Variants in C10orf90 observed in about 807,000 individuals in gnomAD.
C10orf90 encodes chromosome 10 open reading frame 90, also known as (E2-independent) E3 ubiquitin-conjugating enzyme FATS.
A neutral mutation model predicts 62.5 loss-of-function variants in C10orf90; 56 were observed. The ratio of observed to expected loss-of-function variants is 0.90; its 90% confidence interval spans 0.72 to 1.12. The LOEUF (loss-of-function observed/expected upper bound fraction) is 1.12. C10orf90 is among the 50% of genes most tolerant of loss of function. C10orf90 has a pLI of 0.00. For synonymous variants in C10orf90, 386 were observed against 340.4 expected (o/e 1.13, Z -1.47); for missense variants, 970 against 880.4 (o/e 1.10, Z -1.29).
chr10:126,499,039 T>C (rs1191334024), intron 4 of C10orf90, among the ~76,000 whole-genome samples: 1 of 152,260 alleles, frequency 6.6e-6, no homozygotes, highest in Admixed American at 6.5e-5. Flanking sequence ...ATTTGAATGC[T>C]AGACCAGAAG....
At chr10:126,541,882 C>T (rs966395171) in intron 2 of C10orf90, among the ~76,000 whole-genome samples, 1 of 152,320 alleles carries the variant, frequency 6.6e-6, no homozygotes, top group African/African-American at 2.4e-5. Flanking sequence ...AAAGTGTTCA[C>T]ATCAGCACTA....
intron 2 of C10orf90, chr10:126,522,865 T>C (rs954287939): frequency 3.3e-5 from 5 of 152,236 alleles, no homozygotes; most frequent in Non-Finnish European, 7.3e-5. Flanking sequence ...CACATTTTAA[T>C]GCTGTCTAGC....
intron 2 of C10orf90, among the ~76,000 whole-genome samples, chr10:126,545,230 CA>C (rs1036414686): frequency 1.9e-4 from 29 of 152,200 alleles, no homozygotes; most frequent in African/African-American, 6.7e-4. Context: ...GGGACCCATG[CA>C]AAAGGAGGTG....
At chr10:126,607,412 A>G (rs942515620) in intron 2 of C10orf90, among the ~76,000 whole-genome samples, 11 of 152,334 alleles carry the variant, frequency 7.2e-5, no homozygotes, top group African/African-American at 2.2e-4. Context: ...AGAAATACTA[A>G]CAAACTATGG....
intron 2 of C10orf90, among the ~76,000 whole-genome samples, chr10:126,614,885 A>G (rs1845509298): frequency 6.6e-6 from 1 of 152,238 alleles, no homozygotes; most frequent in Non-Finnish European, 1.5e-5. Flanking sequence ...TCAGTTGTAT[A>G]TCAACTAGGA....
intron 8 of C10orf90, among the ~76,000 whole-genome samples, chr10:126,427,290 G>A (rs1242497757): frequency 6.6e-6 from 1 of 152,238 alleles, no homozygotes; most frequent in African/African-American, 2.4e-5. Flanking sequence ...TTAGAAAGTA[G>A]GCATGTCTCA....
intron 2 of C10orf90, among the ~76,000 whole-genome samples, chr10:126,588,293 G>A (rs1564883813): frequency 2.0e-5 from 3 of 152,214 alleles, no homozygotes; most frequent in Non-Finnish European, 4.4e-5. Flanking sequence ...TGCATGAGGG[G>A]GGTTCCCCCA....
intron 2 of C10orf90, among the ~76,000 whole-genome samples, chr10:126,632,227 G>A (rs956577473): frequency 4.6e-5 from 7 of 151,848 alleles, no homozygotes; most frequent in African/African-American, 1.7e-4. Flanking sequence ...TGTGTATTGG[G>A]TTCTAATGCT....
chr10:126,612,138 T>C (rs535617174), intron 2 of C10orf90, among the ~76,000 whole-genome samples: 19 of 152,204 alleles, frequency 1.2e-4, no homozygotes, highest in African/African-American at 3.6e-4. Context: ...CTGACCAACA[T>C]GGTGAAACCC....
At chr10:126,561,682 G>C (rs928799135) in intron 2 of C10orf90, among the ~76,000 whole-genome samples, 5 of 152,070 alleles carry the variant, frequency 3.3e-5, no homozygotes, top group African/African-American at 1.2e-4. Flanking sequence ...AATTAAACAA[G>C]GGACTCTCTC....
At chr10:126,463,861 C>T (rs932553034) in intron 5 of C10orf90, among the ~76,000 whole-genome samples, 1 of 152,188 alleles carries the variant, frequency 6.6e-6, no homozygotes, top group Non-Finnish European at 1.5e-5. Flanking sequence ...ATATAAAGCA[C>T]AGCATCTGGC....
In C10orf90 at chr10:126,557,968, A is replaced by G. The variant is rs114013393; in HGVS notation, c.314-44029T>C. Among the ~76,000 whole-genome samples the G allele has an allele frequency of 4.7e-3, 714 of 152,162 alleles. 7 individuals are homozygous for G. Among genetic ancestry groups the G allele is most frequent in the African/African-American group, 0.016 (654 of 41,512 alleles). ...AGTCAGGAACCTGGAAGCATTCGCC[A>G]GTCCACTCCTCTCCCAGCCAATGAT... On this transcript the variant is annotated intron_variant, in intron 2 of 9. Coordinates refer to ENST00000488181, the MANE Select transcript of C10orf90 (RefSeq NM_001350921.2).
chr10:126,472,618 T>G (rs1442163268), intron 4 of C10orf90, among the ~76,000 whole-genome samples: 1 of 152,122 alleles, frequency 6.6e-6, no homozygotes, highest in Non-Finnish European at 1.5e-5. Flanking sequence ...CTCCCATTCT[T>G]GCTTTCCTGG....
chr10:126,622,638 T>C (rs1247915657), intron 2 of C10orf90, among the ~76,000 whole-genome samples: 1 of 152,178 alleles, frequency 6.6e-6, no homozygotes, highest in Non-Finnish European at 1.5e-5. Context: ...CCCTCCTTTA[T>C]GAAACTCTTC....
intron 4 of C10orf90, among the ~76,000 whole-genome samples, chr10:126,499,510 C>G (rs183111604): frequency 6.6e-6 from 1 of 152,186 alleles, no homozygotes; most frequent in Non-Finnish European, 1.5e-5. Context: ...GCAGGCTTCT[C>G]CCCTACAGGT....
At chr10:126,636,488 T>C (rs1422225732) in intron 2 of C10orf90, among the ~76,000 whole-genome samples, 1 of 152,208 alleles carries the variant, frequency 6.6e-6, no homozygotes, top group East Asian at 1.9e-4. Context: ...AGATATAAAA[T>C]AAGCCGTGAA....
chr10:126,583,882 G>A (rs1175188687), intron 2 of C10orf90, among the ~76,000 whole-genome samples: 10 of 152,162 alleles, frequency 6.6e-5, no homozygotes, highest in East Asian at 3.9e-4. Context: ...TTGGGAGGCC[G>A]TGGTGGGAGG....
chr10:126,668,122 A>G (rs745371717), intron 1 of C10orf90, among the ~76,000 whole-genome samples: 5 of 152,176 alleles, frequency 3.3e-5, no homozygotes, highest in Non-Finnish European at 7.3e-5. Context: ...GAAAAATTTG[A>G]GTCTGTAGGT....
intron 2 of C10orf90, among the ~76,000 whole-genome samples, chr10:126,622,510 A>G (rs1845665878): frequency 6.6e-6 from 1 of 152,182 alleles, no homozygotes; most frequent in African/African-American, 2.4e-5. Flanking sequence ...TGGAAGGAGG[A>G]GGTACCACTG....
Sources: allele counts gnomAD v4.1 joint callset (sites outside exome capture counted in the v4.1 genomes callset), GRCh38; gene constraint gnomAD v4.1.1; transcripts MANE v1.5; gene names NCBI Gene and HGNC (gene_info 2026-07-23, HGNC 2026-07-21).